Variants in HIVEP1 observed in about 807,000 individuals in gnomAD.
HIVEP1 encodes HIVEP zinc finger 1, also known as zinc finger protein 40.
Under a neutral mutation model 180.0 loss-of-function variants are expected in HIVEP1, and 36 were observed. The ratio of observed to expected loss-of-function variants is 0.20; its 90% CI spans 0.15 to 0.26. The LOEUF is 0.26. HIVEP1 is among the 10% of genes least tolerant of loss of function. The pLI is 1.00. For missense variants in HIVEP1, 3,143 were observed against 3,268.7 expected (o/e 0.96, Z 0.94); for synonymous variants, 1,239 against 1,239.0 (o/e 1.00, Z 0.00).
intron 2 of HIVEP1, among the ~76,000 whole-genome samples, chr6:12,078,951 C>T (rs1291376261): frequency 6.6e-6 from 1 of 151,912 alleles, no homozygotes; most frequent in Non-Finnish European, 1.5e-5. Context: ...TGCGTGTATG[C>T]GTGTGCATGT....
At chr6:12,073,592 C>T (rs370146861) in intron 2 of HIVEP1, among the ~76,000 whole-genome samples, 16 of 152,316 alleles carry the variant, frequency 1.1e-4, no homozygotes, top group African/African-American at 2.6e-4. Flanking sequence ...ACCTCCTTCG[C>T]ATCTCAGCCT....
At position 12,017,242 on chromosome 6, in the gene HIVEP1, G is replaced by A. The variant is rs550142182; in HGVS notation, c.40+1574G>A. ...TTGTTACTGTGTCTGGAATTGGTGG[G>A]TTCTTGGTCTCACTGACTTCAAGAA... On this transcript the variant is annotated intron_variant, in intron 2 of 8. Transcript: ENST00000379388. Among the ~76,000 whole-genome samples, 11 of 152,280 alleles carry A rather than the reference G, an allele frequency of 7.2e-5. No individual in the cohort carries two copies. The South Asian group carries it at 2.3e-3, about 32-fold the overall frequency.
downstream of HIVEP1, among the ~76,000 whole-genome samples, chr6:12,167,736 G>A (rs201978724): frequency 9.1e-5 from 6 of 65,702 alleles, no homozygotes; most frequent in African/African-American, 1.1e-4. Context: ...ATATATACAT[G>A]TGTATATGTG....
At chr6:12,058,658 GTAGA>G (rs1326861987) in intron 2 of HIVEP1, among the ~76,000 whole-genome samples, 1 of 152,182 alleles carries the variant, frequency 6.6e-6, no homozygotes, top group Non-Finnish European at 1.5e-5. Flanking sequence ...TAGGCAGGGG[GTAGA>G]TTTTCCATGT....
intron 7 of HIVEP1, among the ~76,000 whole-genome samples, chr6:12,158,820 G>A (rs1461600901): frequency 6.6e-6 from 1 of 152,160 alleles, no homozygotes; most frequent in Non-Finnish European, 1.5e-5. Flanking sequence ...TAGGTCTTTT[G>A]TTTTCCTGGT....
chr6:12,019,920 G>T (rs964783669), intron 2 of HIVEP1, among the ~76,000 whole-genome samples: 2 of 152,190 alleles, frequency 1.3e-5, no homozygotes, highest in Non-Finnish European at 2.9e-5. Context: ...TATTAGGCAA[G>T]CATAAAAATG....
At chr6:12,011,296 C>T (rs1051647247), upstream of HIVEP1, among the ~76,000 whole-genome samples, 1 of 148,808 alleles carries the variant, frequency 6.7e-6, no homozygotes, top group African/African-American at 2.5e-5. Context: ...CCTCCCCCTC[C>T]CCCATTCTGC....
chr6:12,041,692 C>G (rs1769734887), intron 2 of HIVEP1, among the ~76,000 whole-genome samples: 1 of 152,114 alleles, frequency 6.6e-6, no homozygotes, highest in African/African-American at 2.4e-5. Flanking sequence ...GAGACAGAGT[C>G]TCGCTCTCTC....
chr6:12,035,032 T>C (rs1769187091), intron 2 of HIVEP1, among the ~76,000 whole-genome samples: 1 of 152,214 alleles, frequency 6.6e-6, no homozygotes, highest in Non-Finnish European at 1.5e-5. Flanking sequence ...TATGAAGAGC[T>C]ACTGACACCT....
chr6:12,166,140 G>T (rs561289048), downstream of HIVEP1, among the ~76,000 whole-genome samples: 5 of 152,280 alleles, frequency 3.3e-5, no homozygotes, highest in Middle Eastern at 3.4e-3. Flanking sequence ...TGTTGAAAAT[G>T]AGGTCTGTTT....
At chr6:12,130,514 G>A (rs1386946932) in intron 5 of HIVEP1, among the ~76,000 whole-genome samples, 1 of 151,924 alleles carries the variant, frequency 6.6e-6, no homozygotes, top group Non-Finnish European at 1.5e-5. Flanking sequence ...CTCCAGCCTG[G>A]GCAATGGAGC....
chr6:12,035,100 G>A (rs989775898), intron 2 of HIVEP1, among the ~76,000 whole-genome samples: 11 of 152,154 alleles, frequency 7.2e-5, no homozygotes, highest in African/African-American at 2.7e-4. Flanking sequence ...TATGTACCAG[G>A]ATCTATATAT....
At chr6:12,170,012 T>C in the HIVEP1 span, among the ~76,000 whole-genome samples, 5 of 151,856 alleles carry the variant, frequency 3.3e-5, no homozygotes, top group African/African-American at 1.2e-4. Flanking sequence ...TCCCAGCTAC[T>C]TGGGAGGCTG....
downstream of HIVEP1, among the ~76,000 whole-genome samples, chr6:12,168,138 ATC>A (rs1322362921): frequency 1.6e-4 from 9 of 55,804 alleles, no homozygotes; most frequent in South Asian, 5.1e-4. Context: ...ATACGTGTAT[ATC>A]TATATTATAT....
chr6:12,043,590 C>T (rs996735790), intron 2 of HIVEP1, among the ~76,000 whole-genome samples: 3 of 152,146 alleles, frequency 2.0e-5, no homozygotes, highest in Non-Finnish European at 2.9e-5. Context: ...TGGTCTCAAA[C>T]TCCTGACCTC....
chr6:12,109,966 T>C (rs1046245927), intron 3 of HIVEP1, among the ~76,000 whole-genome samples: 5 of 152,230 alleles, frequency 3.3e-5, no homozygotes, highest in African/African-American at 1.2e-4. Context: ...GACATTGTAT[T>C]ACCAGGCATG....
chr6:12,141,820 A>G (rs991320644), intron 7 of HIVEP1, among the ~76,000 whole-genome samples: 1 of 152,056 alleles, frequency 6.6e-6, no homozygotes, highest in Non-Finnish European at 1.5e-5. Flanking sequence ...GATCAATTCA[A>G]CAAGAAGAGC....
intron 2 of HIVEP1, among the ~76,000 whole-genome samples, chr6:12,020,596 G>GCTCT (rs1768122286): frequency 6.6e-6 from 1 of 152,026 alleles, no homozygotes; most frequent in Non-Finnish European, 1.5e-5. Context: ...GTGATAAAGG[G>GCTCT]CTCTATTCGT....
At chr6:12,179,258 A>G in the HIVEP1 span, among the ~76,000 whole-genome samples, 3 of 152,188 alleles carry the variant, frequency 2.0e-5, no homozygotes, top group Admixed American at 2.0e-4. Flanking sequence ...CCCAAATATC[A>G]GCTCTGTGAC....
Sources: allele counts gnomAD v4.1 joint callset (sites outside exome capture counted in the v4.1 genomes callset), GRCh38; gene constraint gnomAD v4.1.1; transcripts MANE v1.5; gene names NCBI Gene and HGNC (gene_info 2026-07-23, HGNC 2026-07-21).